Variants in MALSU1 observed in about 807,000 individuals in gnomAD.
The protein encoded by MALSU1 is mitochondrial assembly of ribosomal large subunit 1.
MALSU1 carries 22 observed loss-of-function variants against 22.1 expected under a neutral mutation model. That is an observed-to-expected ratio of 1.00 (90% CI 0.71 to 1.42). The LOEUF (loss-of-function observed/expected upper bound fraction) is 1.42. MALSU1 is among the 40% of genes most tolerant of loss of function. The probability of loss-of-function intolerance (pLI) is 0.00; values close to 1 mark genes in which losing one functional copy is unlikely to be tolerated. For synonymous variants in MALSU1, 153 were observed against 118.5 expected (o/e 1.29, Z -1.89); for missense variants, 379 against 308.3 (o/e 1.23, Z -1.72).
intron 2 of MALSU1, among the ~76,000 whole-genome samples, chr7:23,301,838 G>A (rs1326304013): frequency 2.0e-5 from 3 of 151,960 alleles, no homozygotes; most frequent in East Asian, 1.9e-4. Flanking sequence ...GCATGGTGGC[G>A]TGTGCCTGTA....
chr7:23,302,840 G>C (rs1370652929), intron 2 of MALSU1, among the ~76,000 whole-genome samples: 1 of 152,082 alleles, frequency 6.6e-6, no homozygotes, highest in African/African-American at 2.4e-5. Flanking sequence ...GCAGTGGCTC[G>C]ATCTCAGCTC....
chr7:23,309,644 GA>G lies in MALSU1; in HGVS notation c.*102del. 1.1e-6 allele frequency: 1 copy of G among 949,226 alleles called. No individual in the cohort carries two copies. Among genetic ancestry groups the G allele is most frequent in the Non-Finnish European group, 1.5e-6 (1 of 657,328 alleles). The allele number at this position is 949,226 out of a possible 1,614,324, so 58.8% of individuals were successfully genotyped here. On this transcript the variant is annotated 3_prime_UTR_variant, in exon 4 of 4. Coordinates refer to ENST00000466681, the MANE Select transcript of MALSU1 (RefSeq NM_138446.2). ...GTCTCCTTGGTTAGGCTGCTCTTAG[GA>G]CAAGGCTTGTGTACCTCATGGGCAC...
chr7:23,309,469 G>GT lies in MALSU1; in HGVS notation c.632dup (p.Pro212ThrfsTer2). 6.2e-7 allele frequency: 1 copy of GT among 1,613,152 alleles called. No homozygotes were observed. Among genetic ancestry groups the GT allele is most frequent in the Non-Finnish European group, 8.5e-7 (1 of 1,179,430 alleles). On this transcript the variant is annotated frameshift_variant, in exon 4 of 4. Transcript: ENST00000466681. LOFTEE classifies it high-confidence loss of function. ...GTTAGCTCAGATAGCACCTGAGACA[G>GT]TACCTGAAGACTTCATTCTTGGAAT... is the stretch of plus-strand genomic sequence containing the variant.
chr7:23,309,328 C>G (rs1029239933), intron 3 of MALSU1, 28 bp from the exon 4 acceptor site: 1 of 1,574,140 alleles, frequency 6.4e-7, no homozygotes, highest in African/African-American at 1.4e-5. Context: ...ACTATTCCTT[C>G]ATTGTATCTC....
intron 2 of MALSU1, 39 bp from the exon 3 acceptor site, chr7:23,307,829 A>G (rs780153544): frequency 2.2e-6 from 3 of 1,368,166 alleles, no homozygotes; most frequent in Non-Finnish European, 3.1e-6. Context: ...GGCTTCCCCC[A>G]TCCCCTCTCC....
chr7:23,307,962 G>A lies in MALSU1; in HGVS notation c.517+13G>A, dbSNP rs113122435. 4.9e-3 allele frequency: 7,857 copies of A among 1,592,910 alleles called. 28 individuals carry two copies. The highest frequency in any genetic ancestry group is 6.1e-3 in the Non-Finnish European group (7,065 of 1,160,764). ...TGCGTGGATTTTGGTAAGTTATTCT[G>A]GCGTATTTTACAGGTAACTGTTGGT... On this transcript the variant is annotated intron_variant, in intron 3 of 3. Coordinates refer to ENST00000466681, the MANE Select transcript of MALSU1 (RefSeq NM_138446.2).
Position 23,299,405 on chromosome 7 carries a change from G to T in MALSU1, c.53G>T (p.Arg18Met). 6.3e-7 allele frequency: 1 copy of T among 1,599,900 alleles called. No homozygotes were observed. Residue 18 changes from arginine to methionine, a missense_variant, in exon 1 of 4, where the codon AGG becomes ATG. Arg to Met is a moderately conservative substitution (Grantham distance 91). Coordinates refer to ENST00000466681, the MANE Select transcript of MALSU1 (RefSeq NM_138446.2). ...CTGCTCGCCCCACTAATGTGGCGCA[G>T]GGCGGTTTCCTCGGTGGCGGGGTCC... is the stretch of plus-strand genomic sequence containing the variant. ...ARLLAPLMWRRAVSSVAGSAV... is the reference protein window; with the variant it reads ...ARLLAPLMWRMAVSSVAGSAV...
chr7:23,307,782 A>G, intron 2 of MALSU1, 86 bp from the exon 3 acceptor site: 2 of 825,428 alleles, frequency 2.4e-6, no homozygotes, highest in Non-Finnish European at 4.0e-6. Flanking sequence ...AAAAAAACAA[A>G]CAAACAAACA....
intron 2 of MALSU1, among the ~76,000 whole-genome samples, chr7:23,305,696 G>C (rs982244554): frequency 6.6e-6 from 1 of 152,012 alleles, no homozygotes; most frequent in South Asian, 2.1e-4. Flanking sequence ...GTTTAGGTTG[G>C]ATTTTTCTGT....
rs1783779394 is a variant in MALSU1 at position 23,309,651 on chromosome 7, C to T, written c.*108C>T. The T allele has an allele frequency of 1.2e-6, 1 of 835,128 alleles. No homozygotes were observed. The highest frequency in any genetic ancestry group is 1.8e-6 in the Non-Finnish European group (1 of 558,452). The allele number at this position is 835,128 out of a possible 1,614,324, so 51.7% of individuals were successfully genotyped here. ...TGGTTAGGCTGCTCTTAGGACAAGG[C>T]TTGTGTACCTCATGGGCACTCCTGC... On this transcript the variant is annotated 3_prime_UTR_variant, in exon 4 of 4. Transcript: ENST00000466681.
intron 2 of MALSU1, 77 bp from the exon 3 acceptor site, chr7:23,307,791 C>T (rs113940798): frequency 1.3e-6 from 1 of 763,292 alleles, no homozygotes; most frequent in Non-Finnish European, 2.1e-6. Flanking sequence ...AACAAACAAA[C>T]AAAAAAAAAA....
chr7:23,304,373 CT>C (rs1202987809), intron 2 of MALSU1, among the ~76,000 whole-genome samples: 16 of 152,284 alleles, frequency 1.1e-4, no homozygotes, highest in African/African-American at 3.4e-4. Context: ...AATAGCCATC[CT>C]AATGGGCATG....
At chr7:23,304,439 G>C (rs945713038) in intron 2 of MALSU1, among the ~76,000 whole-genome samples, 2 of 152,176 alleles carry the variant, frequency 1.3e-5, no homozygotes, top group Non-Finnish European at 2.9e-5. Flanking sequence ...TAGTGATGTT[G>C]AGCATATTTT....
In MALSU1 at chr7:23,301,007, T is replaced by C. The variant is rs1013362222; in HGVS notation, c.425T>C (p.Val142Ala). 4 of 1,612,576 alleles carry C rather than the reference T, an allele frequency of 2.5e-6. No homozygotes were observed. In the African/African-American group the frequency reaches 5.3e-5, roughly 22 times the overall value. The change falls in exon 2 of 4, where the codon GTT becomes GCT. Residue 142 changes from valine to alanine, a missense_variant. Val to Ala is a moderately conservative substitution (Grantham distance 64, BLOSUM62 0). Transcript: ENST00000466681. ...CACTTACATGCCATGGCCTTCTACG[T>C]TGTGAAAATGGTAGGATGCTTTCTT... ...TRHLHAMAFY[V>A]VKMYKHLKCK...
At chr7:23,307,007 G>C (rs1006312672) in intron 2 of MALSU1, among the ~76,000 whole-genome samples, 2 of 152,140 alleles carry the variant, frequency 1.3e-5, no homozygotes, top group Admixed American at 6.5e-5. Context: ...TAGGACTTTT[G>C]TTGGGAGATT....
chr7:23,309,563 T>TAGTC lies in MALSU1; in HGVS notation c.*22_*25dup. 1 of 1,555,984 alleles carries TAGTC rather than the reference T, an allele frequency of 6.4e-7. No individual in the cohort carries two copies. Among genetic ancestry groups the TAGTC allele is most frequent in the African/African-American group, 1.4e-5 (1 of 72,890 alleles). On this transcript the variant is annotated 3_prime_UTR_variant, in exon 4 of 4. Coordinates refer to ENST00000466681, the MANE Select transcript of MALSU1 (RefSeq NM_138446.2). ...GAATAAAATATTTTATGCACTGCGTTAGTCATTTCAGATTTGGATTGAGTC... is the reference window on the plus strand; with the variant it reads ...GAATAAAATATTTTATGCACTGCGTTAGTCAGTCATTTCAGATTTGGATTGAGTC...
rs773973480 is a variant in MALSU1, at chr7:23,311,564, G to A, written c.*2021G>A. On this transcript the variant is annotated 3_prime_UTR_variant, in exon 4 of 4. Transcript: ENST00000466681. Reference sequence around the variant, plus strand: ...ATACTAGGCACTGCTCCGTATTTTTGAACATTTGATTTAACTAATAACTGT... The same window carrying A: ...ATACTAGGCACTGCTCCGTATTTTTAAACATTTGATTTAACTAATAACTGT... The A allele has an allele frequency of 6.6e-6, 1 of 152,202 alleles. No individual in the cohort carries two copies. Among genetic ancestry groups the A allele is most frequent in the East Asian group, 1.9e-4 (1 of 5,188 alleles). 9.4% of individuals were successfully genotyped at this position (152,202 alleles called of 1,614,324 possible).
At chr7:23,301,636 C>A (rs62468192) in intron 2 of MALSU1, among the ~76,000 whole-genome samples, 3 of 152,174 alleles carry the variant, frequency 2.0e-5, no homozygotes, top group Non-Finnish European at 2.9e-5. Flanking sequence ...CTATCCATTA[C>A]GGTAGCCACT....
At chr7:23,299,711 A>G in intron 1 of MALSU1, 103 bp downstream of exon 1, 1 of 1,338,182 alleles carries the variant, frequency 7.5e-7, no homozygotes. Context: ...TTTCTCTTGG[A>G]GTCACAAAAC....
Sources: gnomAD v4.1 joint callset for allele counts (sites outside exome capture counted in the v4.1 genomes callset) on GRCh38, gnomAD v4.1.1 for gene constraint, MANE v1.5 for transcripts, NCBI Gene and HGNC (gene_info 2026-07-23, HGNC 2026-07-21) for gene names.